Variants in PGBD5 observed in about 807,000 individuals in gnomAD.
PGBD5 encodes piggyBac transposable element derived 5.
In PGBD5, 14 loss-of-function variants were observed where a neutral mutation model predicts 47.9. The ratio of observed to expected loss-of-function variants is 0.29; its 90% confidence interval spans 0.19 to 0.46. PGBD5 has a LOEUF of 0.46. Among genes scored for constraint, PGBD5 ranks in the 20% least tolerant of loss-of-function variants. PGBD5 has a pLI of 1.00. For synonymous variants in PGBD5, 316 were observed against 306.3 expected (o/e 1.03, Z -0.33); for missense variants, 635 against 716.0 (o/e 0.89, Z 1.29).
At chr1:230,413,524 A>T (rs563624860) in intron 1 of PGBD5, among the ~76,000 whole-genome samples, 2 of 152,138 alleles carry the variant, frequency 1.3e-5, no homozygotes, top group Non-Finnish European at 1.5e-5. Context: ...GGAGGGGAAG[A>T]GAGGGAGGAT....
chr1:230,351,773 A>G (rs1285907373), intron 2 of PGBD5, among the ~76,000 whole-genome samples: 1 of 152,158 alleles, frequency 6.6e-6, no homozygotes, highest in African/African-American at 2.4e-5. Flanking sequence ...GGTTGTCATG[A>G]CCTTTCTGAC....
intron 1 of PGBD5, among the ~76,000 whole-genome samples, chr1:230,416,708 G>A (rs143932209): frequency 6.6e-6 from 1 of 152,340 alleles, no homozygotes; most frequent in Non-Finnish European, 1.5e-5. Context: ...GGTGACAATA[G>A]AGAGGAAGAC....
At chr1:230,384,289 G>A (rs139131750) in intron 1 of PGBD5, among the ~76,000 whole-genome samples, 61 of 152,282 alleles carry the variant, frequency 4.0e-4, no homozygotes, top group Middle Eastern at 3.4e-3. Flanking sequence ...ATCACTGGGT[G>A]AAATGTACAT....
intron 1 of PGBD5, among the ~76,000 whole-genome samples, chr1:230,407,846 G>A (rs1657330555): frequency 6.6e-6 from 1 of 152,180 alleles, no homozygotes; most frequent in African/African-American, 2.4e-5. Context: ...GGCAACATCT[G>A]AAATTTACTC....
intron 1 of PGBD5, among the ~76,000 whole-genome samples, chr1:230,396,489 G>T (rs1253916047): frequency 1.6e-5 from 2 of 127,976 alleles, no homozygotes; most frequent in Admixed American, 1.8e-4. Flanking sequence ...CGCAGCCAGG[G>T]TCCTCCTCCA....
chr1:230,411,898 TAA>T (rs1207020513), intron 1 of PGBD5, among the ~76,000 whole-genome samples: 1 of 152,178 alleles, frequency 6.6e-6, no homozygotes, highest in Admixed American at 6.5e-5. Context: ...AGGCATTTAA[TAA>T]AAGTTTTTAA....
intron 3 of PGBD5, among the ~76,000 whole-genome samples, chr1:230,349,534 CAAAAAAAA>C (rs11446040): frequency 3.6e-5 from 3 of 83,674 alleles, no homozygotes; most frequent in African/African-American, 8.3e-5. Flanking sequence ...GACCCCGTCT[CAAAAAAAA>C]AAAAAAAAAA....
chr1:230,426,066 G>A lies in PGBD5; in HGVS notation c.-138C>T. 3.2e-6 allele frequency: 1 copy of A among 310,892 alleles called. No individual in the cohort carries two copies. Among genetic ancestry groups the A allele is most frequent in the Non-Finnish European group, 4.6e-6 (1 of 217,492 alleles). The allele number at this position is 310,892 out of a possible 1,614,324, so 19.3% of individuals were successfully genotyped here. ...GCGCCCGCCGCCCCGTGCCCGGCCG[G>A]CCCGCCGTCTTGGCCGCCTCGGGCC... is the stretch of plus-strand genomic sequence containing the variant. On this transcript the variant is annotated 5_prime_UTR_variant, in exon 1 of 7. Transcript: ENST00000391860.
intron 1 of PGBD5, among the ~76,000 whole-genome samples, chr1:230,413,436 G>A (rs541294351): frequency 2.0e-5 from 3 of 152,190 alleles, no homozygotes; most frequent in African/African-American, 7.2e-5. Context: ...GGAAGTAGGG[G>A]CTGCAGTGAG....
chr1:230,402,120 T>C (rs1657152302), intron 1 of PGBD5, among the ~76,000 whole-genome samples: 1 of 151,232 alleles, frequency 6.6e-6, no homozygotes, highest in African/African-American at 2.4e-5. Context: ...AGTCTTTCCT[T>C]AAAAAAAAAG....
chr1:230,319,376 C>G lies in PGBD5; in HGVS notation c.*4049G>C, dbSNP rs1157225531. On this transcript the variant is annotated 3_prime_UTR_variant, in exon 7 of 7. Coordinates refer to ENST00000391860, the MANE Select transcript of PGBD5 (RefSeq NM_001258311.2). The stretch of plus-strand genomic sequence containing the variant: ...CACACCCAAGGTCACCTTTCTCCCC[C>G]ATCAGTGTCGTTGACTTGTTCTCGC... 1 of 152,284 alleles carries G rather than the reference C, an allele frequency of 6.6e-6. No homozygotes were observed. The highest frequency in any genetic ancestry group is 6.5e-5 in the Admixed American group (1 of 15,290). 9.4% of individuals were successfully genotyped at this position (152,284 alleles called of 1,614,324 possible).
At chr1:230,388,710 C>T (rs1012084305) in intron 1 of PGBD5, among the ~76,000 whole-genome samples, 5 of 152,212 alleles carry the variant, frequency 3.3e-5, no homozygotes, top group African/African-American at 9.6e-5. Flanking sequence ...CCACCGCACC[C>T]GGCCTGTTGG....
chr1:230,343,946 G>T (rs1053313375), intron 3 of PGBD5, among the ~76,000 whole-genome samples: 6 of 152,182 alleles, frequency 3.9e-5, no homozygotes, highest in African/African-American at 1.2e-4. Context: ...TCTAAATCGG[G>T]AAAAGTTCTC....
intron 1 of PGBD5, among the ~76,000 whole-genome samples, chr1:230,403,207 T>C (rs1421678335): frequency 6.6e-6 from 1 of 152,252 alleles, no homozygotes; most frequent in African/African-American, 2.4e-5. Context: ...CCACTAATAC[T>C]TACAGTCGAA....
In PGBD5 at chr1:230,385,551, T is replaced by C. The variant is rs187350821; in HGVS notation, c.332-28230A>G. On this transcript the variant is annotated intron_variant, in intron 1 of 6. Coordinates refer to ENST00000391860, the MANE Select transcript of PGBD5 (RefSeq NM_001258311.2). Reference sequence around the variant, plus strand: ...TGCTGAGTCAAGGCTGATTTCTGCCTCAACTCCTTTTAGAGCACACAAAGG... The same window carrying C: ...TGCTGAGTCAAGGCTGATTTCTGCCCCAACTCCTTTTAGAGCACACAAAGG... Among the ~76,000 whole-genome samples, 726 of 152,258 alleles carry C rather than the reference T, an allele frequency of 4.8e-3. 6 individuals carry two copies. Among genetic ancestry groups the C allele is most frequent in the African/African-American group, 0.017 (701 of 41,546 alleles).
intron 1 of PGBD5, among the ~76,000 whole-genome samples, chr1:230,379,281 C>T (rs933210417): frequency 2.0e-5 from 3 of 152,126 alleles, no homozygotes; most frequent in African/African-American, 7.2e-5. Flanking sequence ...CTCCTTTCAA[C>T]CCCTGCTCCT....
chr1:230,331,397 C>T (rs959248474), intron 5 of PGBD5, among the ~76,000 whole-genome samples: 27 of 152,230 alleles, frequency 1.8e-4, no homozygotes, highest in South Asian at 1.5e-3. Flanking sequence ...GCCTGGGCGA[C>T]AGAGCAACAC....
Position 230,315,916 on chromosome 1 carries a change from G to GTGTATATGTGTACACATACATA in PGBD5, c.*7508_*7509insTATGTATGTGTACACATATACA, listed in dbSNP as rs1553279927. ...TTTATGTGTACACATATATGTATATGTGTATATGTGTACACATATATGTAT... is the reference window on the plus strand; with the variant it reads ...TTTATGTGTACACATATATGTATATGTGTATATGTGTACACATACATATGTATATGTGTACACATATATGTAT... On this transcript the variant is annotated 3_prime_UTR_variant, in exon 7 of 7. Coordinates refer to ENST00000391860, the MANE Select transcript of PGBD5 (RefSeq NM_001258311.2). The GTGTATATGTGTACACATACATA allele has an allele frequency of 0.017, 2,374 of 141,338 alleles. 284 individuals are homozygous for GTGTATATGTGTACACATACATA. The highest frequency in any genetic ancestry group is 0.029 in the African/African-American group (1,032 of 35,266). The allele number at this position is 141,338 out of a possible 1,614,324, so 8.8% of individuals were successfully genotyped here. A position where few individuals can be genotyped will look rare whatever the true frequency, so the allele number is the denominator to read the frequency against.
intron 1 of PGBD5, among the ~76,000 whole-genome samples, chr1:230,416,877 G>A (rs914623217): frequency 2.0e-4 from 30 of 152,172 alleles, no homozygotes; most frequent in African/African-American, 5.6e-4. Flanking sequence ...AACTGAAACC[G>A]GGGCAGGGGC....
Sources: gnomAD v4.1 joint callset for allele counts (sites outside exome capture counted in the v4.1 genomes callset) on GRCh38, gnomAD v4.1.1 for gene constraint, MANE v1.5 for transcripts, NCBI Gene and HGNC (gene_info 2026-07-23, HGNC 2026-07-21) for gene names.